Variants in INIP observed in about 807,000 individuals in gnomAD.
The protein encoded by INIP is SOSS complex subunit C.
In INIP, 9 loss-of-function variants were observed where a neutral mutation model predicts 14.0. That is an observed-to-expected ratio of 0.64 (90% CI 0.39 to 1.12). The LOEUF (loss-of-function observed/expected upper bound fraction) is 1.12. Among genes scored for constraint, INIP ranks in the 50% most tolerant of loss-of-function variants. INIP has a pLI of 0.01. For missense variants in INIP, 78 were observed against 122.7 expected (o/e 0.64, Z 1.72); for synonymous variants, 37 against 41.5 (o/e 0.89, Z 0.41).
At chr9:112,713,045 G>C (rs1048373553) in intron 2 of INIP, among the ~76,000 whole-genome samples, 1 of 152,196 alleles carries the variant, frequency 6.6e-6, no homozygotes, top group African/African-American at 2.4e-5. Context: ...GAGGAAATAC[G>C]TGCAAAACAT....
intron 2 of INIP, among the ~76,000 whole-genome samples, chr9:112,714,689 A>G (rs1189883088): frequency 6.6e-6 from 1 of 152,278 alleles, no homozygotes; most frequent in African/African-American, 2.4e-5. Flanking sequence ...TACAATTTCA[A>G]TGTAAATAAT....
At chr9:112,711,617 A>T (rs1232345180) in intron 2 of INIP, among the ~76,000 whole-genome samples, 2 of 152,152 alleles carry the variant, frequency 1.3e-5, no homozygotes, top group East Asian at 3.9e-4. Flanking sequence ...AAATTAAGTT[A>T]TTTTTAATAT....
intron 4 of INIP, 116 bp from the exon 5 acceptor site, chr9:112,687,749 T>C: frequency 5.6e-6 from 3 of 535,222 alleles, no homozygotes; most frequent in Non-Finnish European, 9.9e-6. Context: ...ATTTGTTTAT[T>C]CATTTATTTT....
At chr9:112,714,383 T>C (rs1838741595) in intron 2 of INIP, among the ~76,000 whole-genome samples, 2 of 152,210 alleles carry the variant, frequency 1.3e-5, no homozygotes. Context: ...GTCCTTCAAG[T>C]AGTTAAGTGG....
intron 4 of INIP, 85 bp downstream of exon 4, chr9:112,689,442 C>G: frequency 9.7e-7 from 1 of 1,035,868 alleles, no homozygotes; most frequent in Non-Finnish European, 1.5e-6. Context: ...TGATATTGCT[C>G]CACTGAAATA....
At chr9:112,709,705 T>G (rs964091906) in intron 2 of INIP, among the ~76,000 whole-genome samples, 2 of 152,234 alleles carry the variant, frequency 1.3e-5, no homozygotes. Context: ...AGTGAAGTTT[T>G]TCATTAGATA....
chr9:112,716,846 T>A (rs1838835991), intron 1 of INIP, among the ~76,000 whole-genome samples: 6 of 150,914 alleles, frequency 4.0e-5, no homozygotes, highest in Non-Finnish European at 8.8e-5. Flanking sequence ...TCCCAGCTAC[T>A]CGGGAGGGCG....
rs562098714 is a variant in INIP at position 112,698,352 on chromosome 9, T to C, written c.26-4119A>G. On this transcript the variant is annotated intron_variant, in intron 2 of 4. Coordinates refer to ENST00000374242, the MANE Select transcript of INIP (RefSeq NM_021218.3). ...AAGAAATGATTAAAGTAGTCCTGAC[T>C]GAAAGGCTCTTTCCAGCTCCAACAC... Among the ~76,000 whole-genome samples the C allele has an allele frequency of 2.5e-3, 362 of 147,700 alleles. 5 individuals are homozygous for C. The highest frequency in any genetic ancestry group is 8.6e-3 in the African/African-American group (348 of 40,384).
chr9:112,698,303 C>CAAAAAAAA (rs755265359), intron 2 of INIP, among the ~76,000 whole-genome samples: 29 of 43,638 alleles, frequency 6.6e-4, no homozygotes, highest in East Asian at 2.2e-3. Flanking sequence ...GACTCTGTCT[C>CAAAAAAAA]AAAAAAAAAA....
At chr9:112,699,437 T>C (rs749546834) in intron 2 of INIP, among the ~76,000 whole-genome samples, 17 of 152,102 alleles carry the variant, frequency 1.1e-4, no homozygotes, top group Non-Finnish European at 2.4e-4. Flanking sequence ...AGTACAAAAA[T>C]AGGCCAAGGT....
chr9:112,706,313 AAT>A (rs777343004), intron 2 of INIP, among the ~76,000 whole-genome samples: 24 of 152,282 alleles, frequency 1.6e-4, no homozygotes, highest in South Asian at 8.3e-4. Flanking sequence ...AAAAACTAAA[AAT>A]AGAGCTCACT....
intron 2 of INIP, among the ~76,000 whole-genome samples, chr9:112,711,178 A>G (rs1838637835): frequency 1.3e-5 from 2 of 152,128 alleles, no homozygotes; most frequent in African/African-American, 4.8e-5. Flanking sequence ...TCTTAAAAAA[A>G]AATTAAATTA....
chr9:112,699,912 T>A (rs1838234883), intron 2 of INIP, among the ~76,000 whole-genome samples: 1 of 152,162 alleles, frequency 6.6e-6, no homozygotes, highest in African/African-American at 2.4e-5. Flanking sequence ...CTCAGCAATG[T>A]TTGCATGACA....
intron 2 of INIP, among the ~76,000 whole-genome samples, chr9:112,709,292 T>G (rs1838575528): frequency 1.3e-5 from 2 of 151,890 alleles, no homozygotes; most frequent in South Asian, 4.2e-4. Flanking sequence ...CAAGAAGAGG[T>G]CTTTTGCCCC....
intron 3 of INIP, among the ~76,000 whole-genome samples, chr9:112,692,632 A>G (rs926470519): frequency 6.6e-6 from 1 of 152,054 alleles, no homozygotes. Context: ...CTGAATACCT[A>G]TAATAAAGAT....
chr9:112,688,549 G>A (rs1837766255), intron 4 of INIP, among the ~76,000 whole-genome samples: 6 of 151,852 alleles, frequency 4.0e-5, no homozygotes, highest in Admixed American at 3.3e-4. Flanking sequence ...GCTGGGCAAT[G>A]GTGGCTCACA....
chr9:112,694,049 T>TG, intron 3 of INIP, 82 bp downstream of exon 3: 2 of 885,692 alleles, frequency 2.3e-6, no homozygotes, highest in South Asian at 3.3e-5. Context: ...CACTCCAGCC[T>TG]GGGGGACAGG....
At chr9:112,696,264 A>G (rs1838091374) in intron 2 of INIP, among the ~76,000 whole-genome samples, 2 of 151,854 alleles carry the variant, frequency 1.3e-5, no homozygotes, top group Non-Finnish European at 2.9e-5. Flanking sequence ...CCTAACTCCA[A>G]TCCCTTTTTC....
intron 2 of INIP, among the ~76,000 whole-genome samples, chr9:112,698,704 A>C (rs1275525871): frequency 6.6e-6 from 1 of 152,220 alleles, no homozygotes; most frequent in East Asian, 1.9e-4. Context: ...ATGTATTTCA[A>C]TATTAATATC....
Sources: allele counts gnomAD v4.1 joint callset (sites outside exome capture counted in the v4.1 genomes callset), GRCh38; gene constraint gnomAD v4.1.1; transcripts MANE v1.5; gene names NCBI Gene and HGNC (gene_info 2026-07-23, HGNC 2026-07-21).